DNAJC6: variants seen among roughly 807,000 people sequenced by gnomAD.
The protein encoded by DNAJC6 is auxilin.
Under a neutral mutation model 110.0 loss-of-function variants are expected in DNAJC6, and 34 were observed. That is an observed-to-expected ratio of 0.31 (90% confidence interval 0.24 to 0.41). The LOEUF (loss-of-function observed/expected upper bound fraction) is 0.41, where lower values mean the gene tolerates loss of function less well. Ranked by LOEUF, DNAJC6 falls within the 10% of genes least tolerant of loss-of-function variation. DNAJC6 has a pLI of 1.00. For missense variants in DNAJC6, 1,031 were observed against 1,207.8 expected (o/e 0.85, Z 2.17); for synonymous variants, 406 against 437.2 (o/e 0.93, Z 0.89).
chr1:65,407,456 C>T (rs1208838225), intron 16 of DNAJC6, among the ~76,000 whole-genome samples: 6 of 152,176 alleles, frequency 3.9e-5, no homozygotes, highest in African/African-American at 1.4e-4. Context: ...AGCTTATAAG[C>T]GACAGAGCCA....
At chr1:65,372,263 T>TA (rs936385603) in intron 4 of DNAJC6, among the ~76,000 whole-genome samples, 5 of 151,338 alleles carry the variant, frequency 3.3e-5, no homozygotes, top group Non-Finnish European at 7.4e-5. Flanking sequence ...TGTTACAGTC[T>TA]AAAAAAAACC....
At chr1:65,267,077 A>G (rs1335104650) in intron 1 of DNAJC6, among the ~76,000 whole-genome samples, 2 of 151,964 alleles carry the variant, frequency 1.3e-5, no homozygotes, top group African/African-American at 4.8e-5. Flanking sequence ...TTGTATTTTT[A>G]GTAGAGATGG....
At chr1:65,305,863 AAG>A (rs1158466069), upstream of DNAJC6, among the ~76,000 whole-genome samples, 4 of 151,020 alleles carry the variant, frequency 2.6e-5, no homozygotes, top group Non-Finnish European at 4.4e-5. Context: ...ACATTTTAAA[AAG>A]AAGTGGAATG....
intron 1 of DNAJC6, among the ~76,000 whole-genome samples, chr1:65,331,971 G>A (rs1645292518): frequency 6.6e-6 from 1 of 152,160 alleles, no homozygotes; most frequent in African/African-American, 2.4e-5. Context: ...GCTGCCACAT[G>A]TTCCTTACTC....
intron 14 of DNAJC6, among the ~76,000 whole-genome samples, chr1:65,399,169 CTT>C (rs1477662149): frequency 1.3e-5 from 2 of 152,142 alleles, no homozygotes; most frequent in African/African-American, 2.4e-5. Flanking sequence ...CTTAGAAACT[CTT>C]GGGTTTTTTT....
chr1:65,338,419 T>C (rs1355482614), intron 1 of DNAJC6, among the ~76,000 whole-genome samples: 1 of 152,204 alleles, frequency 6.6e-6, no homozygotes. Context: ...TTACTTTGTA[T>C]CTTAAAGTTA....
intron 1 of DNAJC6, among the ~76,000 whole-genome samples, chr1:65,276,884 G>A (rs768347794): frequency 6.6e-6 from 1 of 152,070 alleles, no homozygotes; most frequent in Non-Finnish European, 1.5e-5. Flanking sequence ...CCCTTGCCTG[G>A]CTTTTCAGCT....
intron 1 of DNAJC6, among the ~76,000 whole-genome samples, chr1:65,320,944 A>G (rs1476905902): frequency 6.6e-6 from 1 of 151,744 alleles, no homozygotes; most frequent in African/African-American, 2.4e-5. Flanking sequence ...TTCTAGGTAC[A>G]GCAAATGCAA....
chr1:65,397,489 A>G (rs1348509566), intron 13 of DNAJC6, among the ~76,000 whole-genome samples: 3 of 152,222 alleles, frequency 2.0e-5, no homozygotes, highest in Admixed American at 2.0e-4. Context: ...TTGAAAAAAT[A>G]TATTCCTGTT....
At chr1:65,278,906 C>T (rs1236231558) in intron 1 of DNAJC6, 1 of 939,966 alleles carries the variant, frequency 1.1e-6, no homozygotes, top group Non-Finnish European at 1.3e-6. Flanking sequence ...AGCTGGGCGA[C>T]ATTCTCAGAA....
chr1:65,313,485 A>G (rs1039629917), intron 1 of DNAJC6, among the ~76,000 whole-genome samples: 4 of 152,282 alleles, frequency 2.6e-5, no homozygotes, highest in South Asian at 2.1e-4. Flanking sequence ...TGCCCTTTCA[A>G]TTTATCATAT....
intron 1 of DNAJC6, among the ~76,000 whole-genome samples, chr1:65,353,846 C>A (rs1645515406): frequency 6.6e-6 from 1 of 152,010 alleles, no homozygotes; most frequent in Admixed American, 6.6e-5. Context: ...TGCAGTGTTG[C>A]AATCAGAAAT....
chr1:65,347,867 T>C (rs999826924), intron 1 of DNAJC6, among the ~76,000 whole-genome samples: 1 of 152,218 alleles, frequency 6.6e-6, no homozygotes, highest in Non-Finnish European at 1.5e-5. Flanking sequence ...AGCTCTCTGA[T>C]ATATGGTTTT....
chr1:65,355,748 C>A (rs1645536853), intron 1 of DNAJC6, among the ~76,000 whole-genome samples: 1 of 152,092 alleles, frequency 6.6e-6, no homozygotes, highest in Non-Finnish European at 1.5e-5. Context: ...AACATTTGTT[C>A]TTCTGAACTA....
rs1387607681 is a variant in DNAJC6, at chr1:65,392,730, G to A, written c.1768G>A (p.Ala590Thr). ...GAGTGACCTGTTTGGGGGTGGAGGT[G>A]CAGCTGGTCCCACCCAGGCTGGACA... ...LLSDLFGGGGAAGPTQAGQSG... is the reference protein window; with the variant it reads ...LLSDLFGGGGTAGPTQAGQSG... The change falls in exon 12 of 19, where the codon GCA becomes ACA. Residue 590 changes from alanine to threonine, a missense_variant. Physicochemically the swap from Ala to Thr is moderately conservative, Grantham distance 58. Transcript: ENST00000371069. 6.2e-7 allele frequency: 1 copy of A among 1,612,728 alleles called. No homozygotes were observed. The highest frequency in any genetic ancestry group is 1.7e-5 in the Admixed American group (1 of 59,772).
chr1:65,282,588 G>A (rs1653887506), intron 1 of DNAJC6, among the ~76,000 whole-genome samples: 1 of 152,186 alleles, frequency 6.6e-6, no homozygotes, highest in Admixed American at 6.5e-5. Flanking sequence ...GTCACCAGAA[G>A]GAGGAGGGAT....
intron 5 of DNAJC6, among the ~76,000 whole-genome samples, chr1:65,383,116 T>C (rs1413919299): frequency 6.6e-6 from 1 of 152,204 alleles, no homozygotes; most frequent in African/African-American, 2.4e-5. Context: ...TAAACTGGAA[T>C]GGGCTACTTC....
At chr1:65,378,409 A>G (rs1215513719) in intron 4 of DNAJC6, among the ~76,000 whole-genome samples, 1 of 152,194 alleles carries the variant, frequency 6.6e-6, no homozygotes, top group Non-Finnish European at 1.5e-5. Flanking sequence ...AAATGATAAT[A>G]ATTGCCAACA....
intron 6 of DNAJC6, among the ~76,000 whole-genome samples, chr1:65,385,143 TA>T (rs1645859035): frequency 6.6e-6 from 1 of 152,242 alleles, no homozygotes. Context: ...AAACCTGATT[TA>T]ACAAAGGGAA....
Sources: allele counts gnomAD v4.1 joint callset (sites outside exome capture counted in the v4.1 genomes callset), GRCh38; gene constraint gnomAD v4.1.1; transcripts MANE v1.5; gene names NCBI Gene and HGNC (gene_info 2026-07-23, HGNC 2026-07-21).